Variants in RHBG observed in about 807,000 individuals in gnomAD.
RHBG encodes the protein Rh family B glycoprotein, also known as ammonium transporter Rh type B.
In RHBG, 39 loss-of-function variants were observed where a neutral mutation model predicts 40.1. The observed-to-expected ratio is 0.97, with a 90% CI of 0.75 to 1.27. The LOEUF (loss-of-function observed/expected upper bound fraction) is 1.27, where lower values mean the gene tolerates loss of function less well. Ranked by LOEUF, RHBG falls within the 50% of genes most tolerant of loss-of-function variation. The pLI is 0.00. For synonymous variants in RHBG, 237 were observed against 252.5 expected (o/e 0.94, Z 0.58); for missense variants, 549 against 588.1 (o/e 0.93, Z 0.69).
At position 156,377,347 on chromosome 1, in the gene RHBG, C is replaced by T; in HGVS notation, c.234C>T (p.Leu78=). The T allele has an allele frequency of 2.5e-6, 4 of 1,614,200 alleles. No homozygotes were observed. The highest frequency in any genetic ancestry group is 2.2e-5 in the East Asian group (1 of 44,890). The stretch of plus-strand genomic sequence containing the variant: ...TGGTCTTCGTGGGCTTTGGCTTCCT[C>T]ATGGTCTTCCTGCAGCGTTACGGCT... ...HAMVFVGFGF[L]MVFLQRYGFS... The change falls in exon 2 of 10, where the codon CTC becomes CTT. Residue 78 remains leucine, a synonymous_variant. Coordinates refer to ENST00000537040, the MANE Select transcript of RHBG (RefSeq NM_020407.5). The surrounding 1 kb of genome is among the most constrained non-coding windows in gnomAD (Gnocchi z 4.6).
rs1667306113 is a variant in RHBG at position 156,377,597 on chromosome 1, G to C, written c.374+110G>C. 8.3e-6 allele frequency: 10 copies of C among 1,201,032 alleles called. 1 individual carries two copies. The South Asian group carries it at 1.4e-4, about 16-fold the overall frequency. 74.4% of individuals were successfully genotyped at this position (1,201,032 alleles called of 1,614,324 possible). A position where few individuals can be genotyped will look rare whatever the true frequency, so the allele number is the denominator to read the frequency against. The stretch of plus-strand genomic sequence containing the variant: ...AGTCTGCTTCCTGACTCACGATTCT[G>C]GGCGTCACTTGGTTTCTCTAGGTGT... On this transcript the variant is annotated intron_variant, in intron 2 of 9. Coordinates refer to ENST00000537040, the MANE Select transcript of RHBG (RefSeq NM_020407.5). The surrounding 1 kb of genome is among the most constrained non-coding windows in gnomAD (Gnocchi z 4.6).
At chr1:156,380,160 G>C in intron 4 of RHBG, among the ~76,000 whole-genome samples, 1 of 147,652 alleles carries the variant, frequency 6.8e-6, no homozygotes, top group African/African-American at 2.5e-5. Context: ...TCCCAGGCTG[G>C]AGTGCAGTGG....
At chr1:156,381,690 G>A in intron 5 of RHBG, 116 bp from the exon 6 acceptor site, 3 of 1,432,340 alleles carry the variant, frequency 2.1e-6, no homozygotes, top group Non-Finnish European at 2.8e-6. Flanking sequence ...AGGACAATGA[G>A]AGGTTAGATG....
chr1:156,382,657 T>C (rs1368314017), intron 7 of RHBG, 91 bp from the exon 8 acceptor site: 20 of 1,497,460 alleles, frequency 1.3e-5, no homozygotes, highest in Non-Finnish European at 1.8e-5. Flanking sequence ...TGTTCCCCAG[T>C]GTGAGTTCCA....
Position 156,381,428 on chromosome 1 carries a change from T to A in RHBG, c.755T>A (p.Leu252His), listed in dbSNP as rs558426168. ...ALGAGQHRTA[L>H]NTYYSLAAST... is the part of the protein sequence containing the mutation. ...GGGGCTGGGCAGCATCGGACGGCCC[T>A]CAACACATACTACTCCCTGGCTGCC... Residue 252 changes from leucine (L) to histidine (H), a missense_variant, in exon 5 of 10, where the codon CTC (leucine) becomes CAC (histidine). Coordinates refer to ENST00000537040, the MANE Select transcript of RHBG (RefSeq NM_020407.5). 99 of 1,614,124 alleles carry A rather than the reference T, an allele frequency of 6.1e-5. 1 individual carries two copies. The East Asian group carries it at 2.2e-3, about 35-fold the overall frequency.
chr1:156,377,937 C>A lies in RHBG; in HGVS notation c.375-53C>A, dbSNP rs924040181. 6.7e-7 allele frequency: 1 copy of A among 1,501,650 alleles called. No individual in the cohort carries two copies. The highest frequency in any genetic ancestry group is 8.9e-7 in the Non-Finnish European group (1 of 1,122,190). 93.0% of individuals were successfully genotyped at this position (1,501,650 alleles called of 1,614,324 possible). ...CTGGCTTCATGCCAGGCAGGAACCC[C>A]GAGGCCAGCCTCTCTGACCCCTCTT... On this transcript the variant is annotated intron_variant, in intron 2 of 9. Coordinates refer to ENST00000537040, the MANE Select transcript of RHBG (RefSeq NM_020407.5). The surrounding 1 kb of genome is among the most constrained non-coding windows in gnomAD (Gnocchi z 4.6).
In RHBG at chr1:156,375,510, C is replaced by T. The variant is rs116683953; in HGVS notation, c.188-1791C>T. Among the ~76,000 whole-genome samples, 979 of 150,766 alleles carry T rather than the reference C, an allele frequency of 6.5e-3. 8 individuals carry two copies. Among genetic ancestry groups the T allele is most frequent in the Non-Finnish European group, 0.011 (718 of 67,858 alleles). ...TTCTGTCAAAGTTACTGATTGCATT[C>T]TAAAGTTCAGTAATTGAGCCAGGTG... On this transcript the variant is annotated intron_variant, in intron 1 of 9. Coordinates refer to ENST00000537040, the MANE Select transcript of RHBG (RefSeq NM_020407.5).
At chr1:156,370,386 T>C (rs1666754642) in intron 1 of RHBG, among the ~76,000 whole-genome samples, 2 of 150,360 alleles carry the variant, frequency 1.3e-5, no homozygotes, top group Admixed American at 1.3e-4. Flanking sequence ...GAGGCAGAGG[T>C]TGTAGTGAGT....
chr1:156,381,784 C>T, intron 5 of RHBG, 22 bp from the exon 6 acceptor site: 1 of 1,573,248 alleles, frequency 6.4e-7, no homozygotes, highest in Non-Finnish European at 8.6e-7. Context: ...AAAGGGCCTC[C>T]AACACCTTGC....
At chr1:156,375,202 C>T (rs1458104706) in intron 1 of RHBG, among the ~76,000 whole-genome samples, 1 of 151,992 alleles carries the variant, frequency 6.6e-6, no homozygotes, top group Non-Finnish European at 1.5e-5. Flanking sequence ...TTCCTAGTAG[C>T]TGGGGGATTA....
At chr1:156,383,085 G>C (rs1224632670) in intron 8 of RHBG, among the ~76,000 whole-genome samples, 1 of 152,190 alleles carries the variant, frequency 6.6e-6, no homozygotes, top group Non-Finnish European at 1.5e-5. Context: ...GTCCGCGAGG[G>C]GTGAGCGAGG....
At chr1:156,370,744 C>G (rs1023398599) in intron 1 of RHBG, among the ~76,000 whole-genome samples, 1 of 151,692 alleles carries the variant, frequency 6.6e-6, no homozygotes, top group Admixed American at 6.6e-5. Context: ...GAAGGAGAAG[C>G]TGAGTCTCAG....
chr1:156,374,587 A>ATTTTTT, intron 1 of RHBG: 16 of 380,754 alleles, frequency 4.2e-5, no homozygotes, highest in South Asian at 7.8e-5. Context: ...ACAGGATTCC[A>ATTTTTT]TTTTTTTTTT....
chr1:156,374,055 G>C (rs12039851), intron 1 of RHBG, among the ~76,000 whole-genome samples: 20,697 of 152,146 alleles, frequency 0.14, 1,583 homozygotes, highest in South Asian at 0.22. Context: ...CCCTAGGCTG[G>C]TTAGGATGGG....
At position 156,377,611 on chromosome 1, in the gene RHBG, T is replaced by C; in HGVS notation, c.374+124T>C. ...CTCACGATTCTGGGCGTCACTTGGTTTCTCTAGGTGTCCTGCCTGTCCTTA... is the reference window on the plus strand; with the variant it reads ...CTCACGATTCTGGGCGTCACTTGGTCTCTCTAGGTGTCCTGCCTGTCCTTA... On this transcript the variant is annotated intron_variant, in intron 2 of 9. Transcript: ENST00000537040. This position sits in a 1 kb window ranked among gnomAD's most constrained non-coding sequence, Gnocchi z 4.6. 9.7e-7 allele frequency: 1 copy of C among 1,027,502 alleles called. No individual in the cohort carries two copies. The highest frequency in any genetic ancestry group is 1.4e-6 in the Non-Finnish European group (1 of 717,358). 63.6% of individuals were successfully genotyped at this position (1,027,502 alleles called of 1,614,324 possible).
At chr1:156,376,195 T>C (rs1329974285) in intron 1 of RHBG, among the ~76,000 whole-genome samples, 1 of 152,120 alleles carries the variant, frequency 6.6e-6, no homozygotes, top group Non-Finnish European at 1.5e-5. Context: ...ATATTCAAAC[T>C]ATAGAAAGAA....
chr1:156,381,078 T>A (rs987419505), intron 4 of RHBG, among the ~76,000 whole-genome samples: 1 of 152,094 alleles, frequency 6.6e-6, no homozygotes, highest in Admixed American at 6.5e-5. Flanking sequence ...TCCTTTGTAT[T>A]TTTGGTAGAG....
In RHBG at chr1:156,378,339, C is replaced by G. The variant is rs762903550; in HGVS notation, c.613C>G (p.Leu205Val). Residue 205 changes from leucine (L) to valine (V), a missense_variant, in exon 4 of 10, where the codon CTG becomes GTG. By Grantham distance (32) the Leu-to-Val change is conservative. This residue lies in a region of RHBG where 399 missense variants were observed against 417.0 expected (regional missense o/e 0.96). Coordinates refer to ENST00000537040, the MANE Select transcript of RHBG (RefSeq NM_020407.5). ...VLSRVLYRPQLEKSKHRQGSV... is the reference protein window; with the variant it reads ...VLSRVLYRPQVEKSKHRQGSV... ...TTCGCGGGTTCTGTACAGGCCCCAG[C>G]TGGAGAAGAGCAAGCACCGCCAGGG... The G allele has an allele frequency of 4.3e-6, 7 of 1,613,590 alleles. No homozygotes were observed. The highest frequency in any genetic ancestry group is 5.1e-6 in the Non-Finnish European group (6 of 1,179,778).
At chr1:156,369,538 G>C in intron 1 of RHBG, 102 bp downstream of exon 1, 1 of 1,286,044 alleles carries the variant, frequency 7.8e-7, no homozygotes, top group Non-Finnish European at 1.1e-6. Flanking sequence ...ATTTAGCTGG[G>C]CAGCCGTCTC....
Sources: gnomAD v4.1 joint callset for allele counts (sites outside exome capture counted in the v4.1 genomes callset) on GRCh38, gnomAD v4.1.1 for gene constraint, gnomAD v4.1.1 regional missense constraint, Gnocchi (gnomAD v3.1) non-coding constraint, MANE v1.5 for transcripts, NCBI Gene and HGNC (gene_info 2026-07-23, HGNC 2026-07-21) for gene names.